DHRS9: variants seen among roughly 807,000 people sequenced by gnomAD.
DHRS9 encodes dehydrogenase/reductase 9.
DHRS9 carries 18 observed loss-of-function variants against 26.6 expected under a neutral mutation model. The ratio of observed to expected loss-of-function variants is 0.68; its 90% CI spans 0.47 to 1.00. The LOEUF is 1.00. Among genes scored for constraint, DHRS9 ranks in the 50% least tolerant of loss-of-function variants. The pLI, the probability that DHRS9 is intolerant of heterozygous loss-of-function variation, is 0.00. For synonymous variants in DHRS9, 134 were observed against 141.1 expected (o/e 0.95, Z 0.36); for missense variants, 425 against 378.7 (o/e 1.12, Z -1.01).
At chr2:169,091,150 A>G (rs1684508749) in intron 3 of DHRS9, among the ~76,000 whole-genome samples, 1 of 152,080 alleles carries the variant, frequency 6.6e-6, no homozygotes, top group Non-Finnish European at 1.5e-5. Flanking sequence ...CTTTAAAGAA[A>G]GGGGCACCAT....
intron 1 of DHRS9, among the ~76,000 whole-genome samples, chr2:169,073,537 G>T (rs1427991815): frequency 6.6e-6 from 1 of 152,154 alleles, no homozygotes; most frequent in Non-Finnish European, 1.5e-5. Flanking sequence ...ACCCACCAAA[G>T]GGTACCCCCA....
intron 4 of DHRS9, among the ~76,000 whole-genome samples, chr2:169,092,662 T>C (rs576328065): frequency 5.3e-5 from 8 of 152,228 alleles, no homozygotes; most frequent in Non-Finnish European, 8.8e-5. Context: ...AAATAATTAC[T>C]TGGGTGGAAA....
At chr2:169,094,443 T>C (rs1312436968) in intron 4 of DHRS9, among the ~76,000 whole-genome samples, 1 of 152,186 alleles carries the variant, frequency 6.6e-6, no homozygotes, top group Non-Finnish European at 1.5e-5. Flanking sequence ...CCCACTTATC[T>C]AGTTTTGCTG....
chr2:169,094,794 G>C (rs1684642912), intron 4 of DHRS9, among the ~76,000 whole-genome samples: 1 of 151,940 alleles, frequency 6.6e-6, no homozygotes, highest in Admixed American at 6.6e-5. Context: ...TGGATATACT[G>C]TTTTCCCAAT....
Position 169,093,080 on chromosome 2 carries a change from C to T in DHRS9, c.736+1127C>T, listed in dbSNP as rs138163649. On this transcript the variant is annotated intron_variant, in intron 4 of 4. Coordinates refer to ENST00000674881, the MANE Select transcript of DHRS9 (RefSeq NM_001376924.1). ...CCCCTCCGCCACAAACTTCTTGGGT[C>T]GGTTAAAGTTTACTTGATATTCCTC... Among the ~76,000 whole-genome samples the T allele has an allele frequency of 1.8e-4, 28 of 152,214 alleles. No individual in the cohort carries two copies. The East Asian group carries it at 4.5e-3, about 24-fold the overall frequency.
At chr2:169,085,331 T>C (rs1225275436) in intron 3 of DHRS9, among the ~76,000 whole-genome samples, 1 of 152,190 alleles carries the variant, frequency 6.6e-6, no homozygotes, top group Non-Finnish European at 1.5e-5. Context: ...TGTGTTTCTA[T>C]ATAAATTTTA....
In DHRS9 at chr2:169,095,767, A is replaced by C; in HGVS notation, c.960A>C (p.Ter320CysextTer3). ...AGCTGGCTAATCCCAAGGCAGTGTG[A>C]CTCAGCTAACCACAAATGTCTCCTC... ...KAELANPKAV[*>C] Residue 320 changes from the stop codon to cysteine (C), a stop_lost, in exon 5 of 5, where the codon TGA becomes TGC. Transcript: ENST00000674881. 1 of 1,613,092 alleles carries C rather than the reference A, an allele frequency of 6.2e-7. No individual in the cohort carries two copies. The highest frequency in any genetic ancestry group is 8.5e-7 in the Non-Finnish European group (1 of 1,179,568).
At chr2:169,067,426 A>G (rs1683676315), upstream of DHRS9, among the ~76,000 whole-genome samples, 1 of 152,230 alleles carries the variant, frequency 6.6e-6, no homozygotes, top group South Asian at 2.1e-4. Context: ...GGGGTGGAGA[A>G]GATACTCTTG....
chr2:169,069,588 C>A lies in DHRS9; in HGVS notation c.-189C>A. 1 of 985,432 alleles carries A rather than the reference C, an allele frequency of 1.0e-6. No homozygotes were observed. Among genetic ancestry groups the A allele is most frequent in the Non-Finnish European group, 1.2e-6 (1 of 829,956 alleles). 61.0% of individuals were successfully genotyped at this position (985,432 alleles called of 1,614,324 possible). ...ACTCAGAGCTCTACGGAAACCCAGG[C>A]ACCTCGACCTCAAGAGGATCAGCCT... On this transcript the variant is annotated 5_prime_UTR_variant, in exon 1 of 5. Transcript: ENST00000674881.
intron 2 of DHRS9, among the ~76,000 whole-genome samples, chr2:169,082,925 A>G (rs1278919314): frequency 6.6e-6 from 1 of 152,062 alleles, no homozygotes; most frequent in East Asian, 1.9e-4. Context: ...AGATATATCT[A>G]ACGTTAAATG....
In DHRS9 at chr2:169,089,765, T is replaced by C. The variant is rs893411894; in HGVS notation, c.573-2025T>C. 3.9e-5 allele frequency among the ~76,000 whole-genome samples: 6 copies of C among 152,336 alleles called. 1 individual carries two copies. In the Middle Eastern group the frequency reaches 0.01, roughly 259 times the overall value. ...GAACAATTCTTCCAAAAAACTAATG[T>C]GCATTTGAATCACCTGGGGATCTTT... On this transcript the variant is annotated intron_variant, in intron 3 of 4. Transcript: ENST00000674881.
chr2:169,094,945 C>A (rs1004908855), intron 4 of DHRS9, among the ~76,000 whole-genome samples: 1 of 152,078 alleles, frequency 6.6e-6, no homozygotes. Flanking sequence ...TGAGTCAGTA[C>A]ATTTGGGGAT....
chr2:169,073,490 T>TA (rs1291950867), intron 1 of DHRS9, among the ~76,000 whole-genome samples: 1 of 152,196 alleles, frequency 6.6e-6, no homozygotes, highest in Non-Finnish European at 1.5e-5. Context: ...ATAGATTTGC[T>TA]AGGAGGATAT....
At chr2:169,069,104 T>C (rs1333549789), upstream of DHRS9, among the ~76,000 whole-genome samples, 1 of 152,202 alleles carries the variant, frequency 6.6e-6, no homozygotes, top group African/African-American at 2.4e-5. Flanking sequence ...TTTATTATGT[T>C]GTTTTTATCT....
At chr2:169,087,517 A>G (rs1266116240) in intron 3 of DHRS9, among the ~76,000 whole-genome samples, 1 of 151,906 alleles carries the variant, frequency 6.6e-6, no homozygotes, top group African/African-American at 2.4e-5. Flanking sequence ...GCAAGACAAC[A>G]TCTCCTTTAC....
At chr2:169,082,620 T>C (rs1267389904) in intron 2 of DHRS9, among the ~76,000 whole-genome samples, 2 of 152,204 alleles carry the variant, frequency 1.3e-5, no homozygotes, top group African/African-American at 4.8e-5. Context: ...TTTTTAACAC[T>C]TGAATTCCAA....
chr2:169,083,831 T>C (rs1468969265), intron 3 of DHRS9, among the ~76,000 whole-genome samples: 2 of 152,188 alleles, frequency 1.3e-5, no homozygotes, highest in African/African-American at 4.8e-5. Context: ...ATCCTTTCTT[T>C]GTGTTACAAA....
chr2:169,083,367 G>C lies in DHRS9; in HGVS notation c.352G>C (p.Val118Leu), dbSNP rs773803638. The C allele has an allele frequency of 1.2e-6, 2 of 1,614,084 alleles. No homozygotes were observed. The highest frequency in any genetic ancestry group is 2.7e-5 in the African/African-American group (2 of 75,002). The change falls in exon 3 of 5, where the codon GTG becomes CTG. Residue 118 changes from valine to leucine, a missense_variant. Coordinates refer to ENST00000674881, the MANE Select transcript of DHRS9 (RefSeq NM_001376924.1). ...GLINNAGVPGVLAPTDWLTLE... is the reference protein window; with the variant it reads ...GLINNAGVPGLLAPTDWLTLE... ...GATCAATAATGCTGGTGTTCCCGGC[G>C]TGCTGGCTCCCACTGACTGGCTGAC...
At chr2:169,077,845 T>G (rs1028258674) in intron 1 of DHRS9, among the ~76,000 whole-genome samples, 1 of 152,118 alleles carries the variant, frequency 6.6e-6, no homozygotes, top group Non-Finnish European at 1.5e-5. Flanking sequence ...TCATCTACTT[T>G]CCCCTCTGGG....
Sources: allele counts gnomAD v4.1 joint callset (sites outside exome capture counted in the v4.1 genomes callset), GRCh38; gene constraint gnomAD v4.1.1; transcripts MANE v1.5; gene names NCBI Gene and HGNC (gene_info 2026-07-23, HGNC 2026-07-21).